The following ANKRD31 variants were observed in gnomAD, a reference collection of about 807,000 sequenced individuals.
ANKRD31 encodes ankyrin repeat domain 31.
Under a neutral mutation model 186.0 loss-of-function variants are expected in ANKRD31, and 147 were observed. That is an observed-to-expected ratio of 0.79 (90% CI 0.69 to 0.91). The LOEUF is 0.91. Among genes scored for constraint, ANKRD31 ranks in the 40% least tolerant of loss-of-function variants. The pLI is 0.00. For missense variants in ANKRD31, 1,986 were observed against 2,148.8 expected (o/e 0.92, Z 1.50); for synonymous variants, 673 against 736.4 (o/e 0.91, Z 1.39).
At chr5:75,085,435 G>T (rs1257270246) in intron 23 of ANKRD31, among the ~76,000 whole-genome samples, 16 of 151,712 alleles carry the variant, frequency 1.1e-4, no homozygotes, top group Non-Finnish European at 1.9e-4. Flanking sequence ...ACACTGGCAT[G>T]ATCTTGGCTC....
chr5:75,116,668 A>T lies in ANKRD31; in HGVS notation c.4053T>A (p.Ala1351=). The T allele has an allele frequency of 7.1e-7, 1 of 1,411,664 alleles. No individual in the cohort carries two copies. The highest frequency in any genetic ancestry group is 9.3e-7 in the Non-Finnish European group (1 of 1,077,034). 87.4% of individuals were successfully genotyped at this position (1,411,664 alleles called of 1,614,324 possible). A position where few individuals can be genotyped will look rare whatever the true frequency, so the allele number is the denominator to read the frequency against. ...ACTGTTTATGTCTTTTAGACCGGAC[A>T]GCAGGAATTTTTTCTTTAAAAAGTA... ...SDAIVNEKIP[A]VRSKRHKQCF... Residue 1351 remains alanine (A), a synonymous_variant, in exon 19 of 26, where the codon GCT becomes GCA. Transcript: ENST00000506364.
chr5:75,168,507 T>C (rs1753082542), intron 11 of ANKRD31, among the ~76,000 whole-genome samples: 1 of 152,178 alleles, frequency 6.6e-6, no homozygotes, highest in Non-Finnish European at 1.5e-5. Context: ...TATGCAATTA[T>C]AGTAGTCTGA....
chr5:75,203,924 T>C (rs190318562), intron 5 of ANKRD31, among the ~76,000 whole-genome samples: 1 of 152,270 alleles, frequency 6.6e-6, no homozygotes, highest in Non-Finnish European at 1.5e-5. Flanking sequence ...ACGTTTTGCA[T>C]AGTCTGAATT....
chr5:75,131,228 C>G (rs1749784903), intron 17 of ANKRD31, among the ~76,000 whole-genome samples: 1 of 152,204 alleles, frequency 6.6e-6, no homozygotes, highest in Admixed American at 6.5e-5. Flanking sequence ...GGGGCCCCCA[C>G]AGTGCAACGG....
chr5:75,089,261 CCTCT>C (rs1400696453), intron 23 of ANKRD31, among the ~76,000 whole-genome samples: 1 of 152,166 alleles, frequency 6.6e-6, no homozygotes, highest in East Asian at 1.9e-4. Flanking sequence ...TCAGTGATGC[CCTCT>C]CTGAGTAAGC....
At chr5:75,199,568 C>T in intron 6 of ANKRD31, 63 bp downstream of exon 6, 1 of 1,321,654 alleles carries the variant, frequency 7.6e-7, no homozygotes, top group Middle Eastern at 1.9e-4. Flanking sequence ...CTTTAATCGA[C>T]ATAATTTTTT....
intron 17 of ANKRD31, among the ~76,000 whole-genome samples, chr5:75,123,556 A>G (rs1748963048): frequency 6.6e-6 from 1 of 152,040 alleles, no homozygotes; most frequent in Non-Finnish European, 1.5e-5. Flanking sequence ...CAAGGTTATA[A>G]TAATCAAAAA....
chr5:75,115,436 C>T (rs568940004), intron 19 of ANKRD31, among the ~76,000 whole-genome samples: 4 of 152,214 alleles, frequency 2.6e-5, no homozygotes, highest in South Asian at 2.1e-4. Flanking sequence ...AGAGCTTCTG[C>T]ACAGGAAAAG....
Position 75,107,658 on chromosome 5 carries a change from G to T in ANKRD31, c.4244-41C>A. The T allele has an allele frequency of 5.4e-6, 6 of 1,117,648 alleles. No individual in the cohort carries two copies. In the Admixed American group the frequency reaches 8.2e-5, roughly 15 times the overall value. The allele number at this position is 1,117,648 out of a possible 1,614,324, so 69.2% of individuals were successfully genotyped here. On this transcript the variant is annotated intron_variant, in intron 20 of 25. Coordinates refer to ENST00000506364, the MANE Select transcript of ANKRD31 (RefSeq NM_001372053.1). ...TAAAAAGTTAGCTAACTGAGGGAGA[G>T]TGAATGTCAAATTTGGTCATACGAG...
chr5:75,218,551 T>C (rs1757100075), intron 3 of ANKRD31, among the ~76,000 whole-genome samples: 2 of 152,070 alleles, frequency 1.3e-5, no homozygotes, highest in African/African-American at 4.8e-5. Context: ...ACTGAAGTTA[T>C]TACAAAAAAT....
At chr5:75,151,462 A>G (rs1751835153) in intron 12 of ANKRD31, among the ~76,000 whole-genome samples, 1 of 151,984 alleles carries the variant, frequency 6.6e-6, no homozygotes, top group African/African-American at 2.4e-5. Context: ...AAGTCTCACA[A>G]TATCTGATGG....
At chr5:75,108,747 C>T (rs184651077) in intron 20 of ANKRD31, among the ~76,000 whole-genome samples, 73 of 152,106 alleles carry the variant, frequency 4.8e-4, no homozygotes, top group African/African-American at 1.5e-3. Flanking sequence ...ATTAGTTTCA[C>T]GACATGATGC....
intron 22 of ANKRD31, among the ~76,000 whole-genome samples, chr5:75,095,525 T>C (rs1487195883): frequency 2.6e-5 from 4 of 151,692 alleles, no homozygotes; most frequent in South Asian, 2.1e-4. Flanking sequence ...AATTGCACAA[T>C]GTTCTGAGGA....
chr5:75,160,313 T>C (rs1752488085), intron 11 of ANKRD31, among the ~76,000 whole-genome samples: 1 of 151,970 alleles, frequency 6.6e-6, no homozygotes, highest in South Asian at 2.1e-4. Flanking sequence ...CCCTAGAGCA[T>C]CCACTAAGAG....
At chr5:75,103,139 G>C (rs1380307790) in intron 22 of ANKRD31, among the ~76,000 whole-genome samples, 2 of 152,086 alleles carry the variant, frequency 1.3e-5, no homozygotes, top group East Asian at 1.9e-4. Flanking sequence ...TCTGCATATG[G>C]CTAGCCAGTT....
intron 1 of ANKRD31, among the ~76,000 whole-genome samples, chr5:75,235,716 A>G (rs1758227433): frequency 6.6e-6 from 1 of 152,198 alleles, no homozygotes; most frequent in Non-Finnish European, 1.5e-5. Context: ...CTCAAGAGAA[A>G]GTGTCTACCA....
chr5:75,193,426 CT>C lies in ANKRD31; in HGVS notation c.1182del (p.Val395Ter). 6.5e-7 allele frequency: 1 copy of C among 1,537,232 alleles called. No homozygotes were observed. Among genetic ancestry groups the C allele is most frequent in the Non-Finnish European group, 8.7e-7 (1 of 1,146,762 alleles). ...TCTGAGTACTTTGCATCTCTGCTTA[CT>C]TTCAGTTTTTCTAGTCTGGATGATC... ...LRRSSRLEKL[K>X]VSRDAKYSDH... On this transcript the variant is annotated frameshift_variant, in exon 8 of 26. Transcript: ENST00000506364. LOFTEE classifies it high-confidence loss of function.
chr5:75,216,425 A>C (rs1188341454), intron 3 of ANKRD31, among the ~76,000 whole-genome samples: 1 of 152,160 alleles, frequency 6.6e-6, no homozygotes, highest in African/African-American at 2.4e-5. Context: ...ATCACATAGC[A>C]AATGTTTCTG....
chr5:75,145,777 A>G (rs1375663923), intron 14 of ANKRD31, among the ~76,000 whole-genome samples: 1 of 152,084 alleles, frequency 6.6e-6, no homozygotes, highest in Non-Finnish European at 1.5e-5. Flanking sequence ...AGTCAATATC[A>G]GCTTAGCAAC....
Sources: allele counts gnomAD v4.1 joint callset (sites outside exome capture counted in the v4.1 genomes callset), GRCh38; gene constraint gnomAD v4.1.1; transcripts MANE v1.5; gene names NCBI Gene and HGNC (gene_info 2026-07-23, HGNC 2026-07-21).